Variants in FHIT observed in about 807,000 individuals in gnomAD.
FHIT encodes the protein bis(5'-adenosyl)-triphosphatase.
A neutral mutation model predicts 17.9 loss-of-function variants in FHIT; 19 were observed. The ratio of observed to expected loss-of-function variants is 1.06; its 90% CI spans 0.74 to 1.56. The LOEUF (loss-of-function observed/expected upper bound fraction) is 1.56, where lower values mean the gene tolerates loss of function less well. FHIT is among the 40% of genes most tolerant of loss of function. The pLI, the probability that FHIT is intolerant of heterozygous loss-of-function variation, is 0.00. For synonymous variants in FHIT, 81 were observed against 69.7 expected, an observed-to-expected ratio of 1.16 and a Z score of -0.81; for missense variants, 248 against 189.2, an observed-to-expected ratio of 1.31 and a Z score of -1.82.
chr3:60,711,572 G>T (rs1276751147), intron 4 of FHIT, among the ~76,000 whole-genome samples: 1 of 152,194 alleles, frequency 6.6e-6, no homozygotes, highest in African/African-American at 2.4e-5. Context: ...ATACAGAGAA[G>T]TGCTTAAAGG....
chr3:60,390,881 G>C (rs1251334245), intron 5 of FHIT, among the ~76,000 whole-genome samples: 1 of 152,074 alleles, frequency 6.6e-6, no homozygotes, highest in African/African-American at 2.4e-5. Context: ...AGTTTATAAA[G>C]TAAAAAAGCT....
intron 5 of FHIT, among the ~76,000 whole-genome samples, chr3:60,471,293 A>C (rs2033078760): frequency 6.6e-6 from 1 of 152,166 alleles, no homozygotes; most frequent in South Asian, 2.1e-4. Flanking sequence ...CTTTCCTTGC[A>C]GTCCTTGTGG....
chr3:61,238,294 A>G (rs2040282202), intron 1 of FHIT, among the ~76,000 whole-genome samples: 1 of 152,178 alleles, frequency 6.6e-6, no homozygotes, highest in African/African-American at 2.4e-5. Context: ...TCAGCTAACC[A>G]GAGAAATGAC....
At chr3:60,025,569 T>C (rs1700709652) in intron 5 of FHIT, among the ~76,000 whole-genome samples, 1 of 152,172 alleles carries the variant, frequency 6.6e-6, no homozygotes, top group African/African-American at 2.4e-5. Context: ...GATTTTTTAA[T>C]GCCATAACAC....
chr3:61,246,826 A>G (rs1416683037), intron 1 of FHIT, among the ~76,000 whole-genome samples: 1 of 152,188 alleles, frequency 6.6e-6, no homozygotes, highest in African/African-American at 2.4e-5. Flanking sequence ...ACAAACCTGT[A>G]CATTCTGTAC....
At chr3:60,496,186 C>T (rs896526219) in intron 5 of FHIT, among the ~76,000 whole-genome samples, 6 of 151,928 alleles carry the variant, frequency 3.9e-5, no homozygotes, top group African/African-American at 1.2e-4. Context: ...TCCCCTGTCC[C>T]GACCCCATCA....
chr3:60,049,107 C>T (rs890726587), intron 5 of FHIT, among the ~76,000 whole-genome samples: 2 of 152,162 alleles, frequency 1.3e-5, no homozygotes, highest in African/African-American at 2.4e-5. Flanking sequence ...GCTTACTTTT[C>T]CCTAATATTT....
At chr3:60,948,045 C>G (rs1378810466) in intron 3 of FHIT, among the ~76,000 whole-genome samples, 32 of 152,136 alleles carry the variant, frequency 2.1e-4, no homozygotes, top group Admixed American at 2.0e-3. Context: ...TAGGGTTACT[C>G]AGCACAACAC....
chr3:61,168,955 C>T (rs2037919120), intron 2 of FHIT, among the ~76,000 whole-genome samples: 1 of 152,186 alleles, frequency 6.6e-6, no homozygotes, highest in Non-Finnish European at 1.5e-5. Flanking sequence ...ATATTGATCT[C>T]TATGTCTTTG....
At chr3:60,178,996 C>G (rs1346952645) in intron 5 of FHIT, among the ~76,000 whole-genome samples, 10 of 152,072 alleles carry the variant, frequency 6.6e-5, no homozygotes, top group Non-Finnish European at 1.5e-4. Context: ...TCAAGAAATA[C>G]TGAGGGGCCC....
At chr3:60,376,956 T>C (rs1700588654) in intron 5 of FHIT, among the ~76,000 whole-genome samples, 1 of 152,242 alleles carries the variant, frequency 6.6e-6, no homozygotes, top group African/African-American at 2.4e-5. Flanking sequence ...TGTCATTGTT[T>C]GGCTGATTTG....
intron 5 of FHIT, among the ~76,000 whole-genome samples, chr3:60,292,950 T>C (rs1170852387): frequency 6.6e-6 from 1 of 152,132 alleles, no homozygotes; most frequent in Non-Finnish European, 1.5e-5. Flanking sequence ...CCTAAATATA[T>C]TACAAACTAT....
intron 8 of FHIT, among the ~76,000 whole-genome samples, chr3:59,754,109 G>A (rs1159569607): frequency 6.6e-6 from 1 of 152,172 alleles, no homozygotes; most frequent in Non-Finnish European, 1.5e-5. Context: ...AGCAGATGGA[G>A]AAATTTCCCC....
chr3:59,842,632 A>G (rs1400241913), intron 8 of FHIT, among the ~76,000 whole-genome samples: 1 of 152,092 alleles, frequency 6.6e-6, no homozygotes, highest in Non-Finnish European at 1.5e-5. Context: ...ATCTCATTGT[A>G]ATTTCATTTG....
intron 4 of FHIT, among the ~76,000 whole-genome samples, chr3:60,579,937 G>C (rs1168060771): frequency 6.6e-6 from 1 of 152,034 alleles, no homozygotes; most frequent in East Asian, 1.9e-4. Context: ...ACACTAAATG[G>C]AGCATGAGTC....
At chr3:61,074,787 G>T (rs1028034141) in intron 2 of FHIT, among the ~76,000 whole-genome samples, 113 of 152,276 alleles carry the variant, frequency 7.4e-4, no homozygotes, top group African/African-American at 2.5e-3. Flanking sequence ...TAAGAGGACT[G>T]AGTGTTTTAG....
intron 4 of FHIT, among the ~76,000 whole-genome samples, chr3:60,710,196 C>A (rs551882899): frequency 1.3e-5 from 2 of 151,778 alleles, no homozygotes; most frequent in East Asian, 3.9e-4. Context: ...TAGTGCATGG[C>A]AGTGAAAAAT....
At chr3:60,166,993 C>T (rs1409080044) in intron 5 of FHIT, among the ~76,000 whole-genome samples, 2 of 152,158 alleles carry the variant, frequency 1.3e-5, no homozygotes, top group Admixed American at 6.6e-5. Flanking sequence ...ACTTTCTGCT[C>T]CCTAAATATG....
chr3:60,289,913 C>G (rs1490582743), intron 5 of FHIT, among the ~76,000 whole-genome samples: 1 of 152,194 alleles, frequency 6.6e-6, no homozygotes, highest in East Asian at 1.9e-4. Flanking sequence ...GCAGCACATT[C>G]TAAATGACTG....
Sources: allele counts gnomAD v4.1 joint callset (sites outside exome capture counted in the v4.1 genomes callset), GRCh38; gene constraint gnomAD v4.1.1; transcripts MANE v1.5; gene names NCBI Gene and HGNC (gene_info 2026-07-23, HGNC 2026-07-21).